The following C12orf54 variants were observed in gnomAD, a reference collection of about 807,000 sequenced individuals.
C12orf54 encodes the protein uncharacterized protein C12orf54.
C12orf54 carries 24 observed loss-of-function variants against 26.4 expected under a neutral mutation model. The observed-to-expected ratio is 0.91, with a 90% CI of 0.66 to 1.28. C12orf54 has a LOEUF of 1.28. C12orf54 is among the 50% of genes most tolerant of loss of function. C12orf54 has a pLI of 0.00. For synonymous variants in C12orf54, 54 were observed against 47.0 expected, an observed-to-expected ratio of 1.15 and a Z score of -0.61; for missense variants, 154 against 150.9, an observed-to-expected ratio of 1.02 and a Z score of -0.11.
chr12:48,488,397 T>G, intron 4 of C12orf54: 1 of 471,706 alleles, frequency 2.1e-6, no homozygotes, highest in Non-Finnish European at 4.0e-6. Flanking sequence ...TGAATTCCAG[T>G]TTAGAGGTGG....
At chr12:48,457,213 C>A in the C12orf54 span, among the ~76,000 whole-genome samples, 12,291 of 151,978 alleles carry the variant, frequency 0.081, 628 homozygotes, top group Middle Eastern at 0.12. Context: ...GGGCCCCAGG[C>A]CCGAACTCAG....
At chr12:48,454,092 G>GTTT in the C12orf54 span, among the ~76,000 whole-genome samples, 24 of 75,782 alleles carry the variant, frequency 3.2e-4, 4 homozygotes, top group Non-Finnish European at 3.5e-4. Context: ...CTCTTTTTTT[G>GTTT]TTTGTTTTTT....
At chr12:48,449,621 C>G in the C12orf54 span, among the ~76,000 whole-genome samples, 5 of 152,106 alleles carry the variant, frequency 3.3e-5, no homozygotes, top group African/African-American at 1.2e-4. Flanking sequence ...AAGAAAGTTC[C>G]TTACTATTTC....
At chr12:48,476,147 G>A in the C12orf54 span, among the ~76,000 whole-genome samples, 10 of 152,124 alleles carry the variant, frequency 6.6e-5, no homozygotes, top group Non-Finnish European at 1.5e-4. Flanking sequence ...GCCAAACTAA[G>A]CTTCATAAGT....
At chr12:48,476,214 C>T in the C12orf54 span, among the ~76,000 whole-genome samples, 1 of 152,142 alleles carries the variant, frequency 6.6e-6, no homozygotes, top group African/African-American at 2.4e-5. Flanking sequence ...TTGTCACCAC[C>T]AGGCCTGCCC....
At chr12:48,450,837 A>T in the C12orf54 span, among the ~76,000 whole-genome samples, 1 of 152,158 alleles carries the variant, frequency 6.6e-6, no homozygotes, top group Non-Finnish European at 1.5e-5. Context: ...AGTAATAAAT[A>T]GCCTACCAAC....
intron 2 of C12orf54, among the ~76,000 whole-genome samples, chr12:48,485,003 T>C (rs1204188560): frequency 2.0e-5 from 3 of 152,242 alleles, no homozygotes; most frequent in Non-Finnish European, 4.4e-5. Context: ...ATGATGTCAA[T>C]GCTATTAATG....
the C12orf54 span, among the ~76,000 whole-genome samples, chr12:48,475,147 G>T: frequency 4.6e-5 from 7 of 152,186 alleles, no homozygotes; most frequent in Non-Finnish European, 7.3e-5. Flanking sequence ...GGTCTGGAGT[G>T]CACCTCTAGC....
the C12orf54 span, among the ~76,000 whole-genome samples, chr12:48,431,671 G>C: frequency 6.6e-6 from 1 of 152,176 alleles, no homozygotes; most frequent in Non-Finnish European, 1.5e-5. Context: ...CTTCGAGAAA[G>C]TGATCATCTC....
At chr12:48,453,145 T>C in the C12orf54 span, among the ~76,000 whole-genome samples, 4 of 152,180 alleles carry the variant, frequency 2.6e-5, no homozygotes, top group Admixed American at 6.5e-5. Context: ...CATGATGGAA[T>C]ACTATGCAGC....
the C12orf54 span, among the ~76,000 whole-genome samples, chr12:48,437,445 C>T: frequency 2.6e-5 from 4 of 151,938 alleles, no homozygotes; most frequent in Admixed American, 1.3e-4. Context: ...AGAGACACAA[C>T]AAAAAAAGAA....
intron 4 of C12orf54, 111 bp from the exon 5 acceptor site, chr12:48,488,813 C>A: frequency 1.1e-6 from 1 of 886,590 alleles, no homozygotes; most frequent in Non-Finnish European, 1.8e-6. Context: ...CATTCACATT[C>A]TACAGCCTAG....
the C12orf54 span, among the ~76,000 whole-genome samples, chr12:48,445,152 G>T: frequency 0.26 from 39,877 of 151,802 alleles, 6,154 homozygotes; most frequent in East Asian, 0.69. Context: ...CAGCCTGGGC[G>T]ACAGAGCGAG....
At chr12:48,446,535 G>T in the C12orf54 span, among the ~76,000 whole-genome samples, 1 of 152,140 alleles carries the variant, frequency 6.6e-6, no homozygotes, top group South Asian at 2.1e-4. Context: ...GGCAAAGTAT[G>T]ATCTGAAAAC....
At chr12:48,454,012 T>C in the C12orf54 span, among the ~76,000 whole-genome samples, 120 of 152,154 alleles carry the variant, frequency 7.9e-4, 1 homozygote, top group East Asian at 0.021. Context: ...GGAACTCCTG[T>C]TATTGTTGAA....
intron 4 of C12orf54, among the ~76,000 whole-genome samples, chr12:48,487,014 A>C (rs1937663127): frequency 6.6e-6 from 1 of 152,230 alleles, no homozygotes; most frequent in Non-Finnish European, 1.5e-5. Flanking sequence ...TGATTGCTAC[A>C]GACTTGAAAG....
At chr12:48,481,549 G>A (rs1954199201), upstream of C12orf54, among the ~76,000 whole-genome samples, 1 of 152,116 alleles carries the variant, frequency 6.6e-6, no homozygotes, top group Non-Finnish European at 1.5e-5. Context: ...CAAGGGATGG[G>A]ACAGTATGCC....
the C12orf54 span, among the ~76,000 whole-genome samples, chr12:48,419,165 C>T: frequency 1.3e-5 from 2 of 152,192 alleles, no homozygotes; most frequent in African/African-American, 4.8e-5. Context: ...TTCAGCTTCC[C>T]TGAAGTTTCA....
chr12:48,472,907 A>G, the C12orf54 span: 31 of 1,614,092 alleles, frequency 1.9e-5, no homozygotes, highest in Non-Finnish European at 2.5e-5. Context: ...TGGGCCTAGA[A>G]GTATTGGCAG....
Sources: gnomAD v4.1 joint callset for allele counts (sites outside exome capture counted in the v4.1 genomes callset) on GRCh38, gnomAD v4.1.1 for gene constraint, MANE v1.5 for transcripts, NCBI Gene and HGNC (gene_info 2026-07-23, HGNC 2026-07-21) for gene names.